Variants in SYT7 observed in about 807,000 individuals in gnomAD.
The protein encoded by SYT7 is synaptotagmin 7.
In SYT7, 29 loss-of-function variants were observed where a neutral mutation model predicts 75.1. The observed-to-expected ratio is 0.39, with a 90% CI of 0.29 to 0.53. The LOEUF (loss-of-function observed/expected upper bound fraction) is 0.53. SYT7 is among the 20% of genes least tolerant of loss of function. SYT7 has a pLI of 0.77. For synonymous variants in SYT7, 376 were observed against 401.7 expected, an observed-to-expected ratio of 0.94 and a Z score of 0.76; for missense variants, 693 against 953.2, an observed-to-expected ratio of 0.73 and a Z score of 3.59.
intron 3 of SYT7, among the ~76,000 whole-genome samples, chr11:61,549,004 T>C (rs1024189086): frequency 3.3e-5 from 5 of 152,104 alleles, no homozygotes; most frequent in Non-Finnish European, 7.4e-5. Context: ...CCTAATCCCT[T>C]GACAGAAAAC....
chr11:61,549,551 C>T (rs1286575658), intron 3 of SYT7, among the ~76,000 whole-genome samples: 1 of 152,238 alleles, frequency 6.6e-6, no homozygotes, highest in East Asian at 1.9e-4. Flanking sequence ...GTTGGGGGTC[C>T]TAAGCCCATG....
chr11:61,548,982 G>A (rs749552571), intron 3 of SYT7, among the ~76,000 whole-genome samples: 10 of 152,210 alleles, frequency 6.6e-5, no homozygotes, highest in Non-Finnish European at 1.3e-4. Context: ...GGCAGGACAG[G>A]CCCCAGGGGA....
At chr11:61,518,888 C>T (rs1292267744) in intron 12 of SYT7, among the ~76,000 whole-genome samples, 157 bp from the exon 13 acceptor site, 3 of 152,232 alleles carry the variant, frequency 2.0e-5, no homozygotes, top group Non-Finnish European at 2.9e-5. Flanking sequence ...GCGCTCTCCT[C>T]CCTCCCCCAG....
chr11:61,517,203 C>T lies in SYT7; in HGVS notation c.*1424G>A, dbSNP rs1590803888. 1 of 398,508 alleles carries T rather than the reference C, an allele frequency of 2.5e-6. No homozygotes were observed. Among genetic ancestry groups the T allele is most frequent in the East Asian group, 3.6e-5 (1 of 28,074 alleles). 24.7% of individuals were successfully genotyped at this position (398,508 alleles called of 1,614,324 possible). A position where few individuals can be genotyped will look rare whatever the true frequency, so the allele number is the denominator to read the frequency against. ...GGTCTTGTATCAATACCAGGACCAG[C>T]GTGGGGATGAGAGGGCTTAAGCAGG... On this transcript the variant is annotated 3_prime_UTR_variant, in exon 13 of 13. Transcript: ENST00000539008.
intron 1 of SYT7, among the ~76,000 whole-genome samples, chr11:61,563,799 A>T (rs1312960755): frequency 6.6e-6 from 1 of 152,292 alleles, no homozygotes; most frequent in East Asian, 1.9e-4. Context: ...AACTATGACA[A>T]TTAACTATTT....
At chr11:61,579,067 CATGGGAGGAAAGAG>C (rs1353640030) in intron 1 of SYT7, among the ~76,000 whole-genome samples, 2 of 152,258 alleles carry the variant, frequency 1.3e-5, no homozygotes, top group East Asian at 3.9e-4. Context: ...GGTGCCCAGG[CATGGGAGGAAAGAG>C]GAGGGAGGGA....
At chr11:61,579,029 G>T (rs909161561) in intron 1 of SYT7, among the ~76,000 whole-genome samples, 1 of 152,230 alleles carries the variant, frequency 6.6e-6, no homozygotes, top group Non-Finnish European at 1.5e-5. Flanking sequence ...GGTGAGGGCA[G>T]AGGTGCTTGG....
At chr11:61,584,494 C>A (rs953184922), upstream of SYT7, among the ~76,000 whole-genome samples, 6 of 152,076 alleles carry the variant, frequency 3.9e-5, no homozygotes, top group Non-Finnish European at 7.4e-5. Flanking sequence ...ATTTGTTTAC[C>A]CTTAACAGAG....
At position 61,538,272 on chromosome 11, in the gene SYT7, C is replaced by A. The variant is rs747950648; in HGVS notation, c.942-6G>T. On this transcript the variant is annotated splice_region_variant and splice_polypyrimidine_tract_variant and intron_variant, in intron 6 of 12. Coordinates refer to ENST00000539008, the MANE Select transcript of SYT7 (RefSeq NM_001365809.2). ...GCACCACCATCCGGCCTTCCCTGCC[C>A]GGGGAGGGCAGCCCACAGGCCAGGG... is the stretch of plus-strand genomic sequence containing the variant. 1 of 1,497,566 alleles carries A rather than the reference C, an allele frequency of 6.7e-7. No individual in the cohort carries two copies. The highest frequency in any genetic ancestry group is 2.0e-5 in the Admixed American group (1 of 49,456). 92.8% of individuals were successfully genotyped at this position (1,497,566 alleles called of 1,614,324 possible).
At position 61,523,252 on chromosome 11, in the gene SYT7, C is replaced by G; in HGVS notation, c.1779G>C (p.Leu593=). The change falls in exon 12 of 13, where the codon CTG becomes CTC. Residue 593 remains leucine (L), a synonymous_variant. Coordinates refer to ENST00000539008, the MANE Select transcript of SYT7 (RefSeq NM_001365809.2). This position sits in a 1 kb window ranked among gnomAD's most constrained non-coding sequence, Gnocchi z 5.0. The stretch of plus-strand genomic sequence containing the variant: ...TCTCCACCCGCTTGTCCTTGTACAT[C>G]AGCCATACCTTCACGTAGGGGTCTA... ...GTSDPYVKVW[L]MYKDKRVEKK... The G allele has an allele frequency of 6.2e-7, 1 of 1,614,164 alleles. No homozygotes were observed. Among genetic ancestry groups the G allele is most frequent in the South Asian group, 1.1e-5 (1 of 91,076 alleles).
At chr11:61,559,007 G>A (rs1372548126) in intron 1 of SYT7, among the ~76,000 whole-genome samples, 1 of 152,106 alleles carries the variant, frequency 6.6e-6, no homozygotes, top group Non-Finnish European at 1.5e-5. Context: ...GCCTCCCAAA[G>A]TGCTAGGATT....
At chr11:61,577,689 G>A (rs548781810) in intron 1 of SYT7, among the ~76,000 whole-genome samples, 1 of 152,328 alleles carries the variant, frequency 6.6e-6, no homozygotes, top group African/African-American at 2.4e-5. Flanking sequence ...CTGCCTAGTG[G>A]AGTGTCTGTA....
chr11:61,532,340 C>T (rs1034489400), intron 8 of SYT7, among the ~76,000 whole-genome samples: 1 of 152,182 alleles, frequency 6.6e-6, no homozygotes, highest in Non-Finnish European at 1.5e-5. Context: ...CTGCTGCCCC[C>T]CTGGGGGCAC....
intron 1 of SYT7, among the ~76,000 whole-genome samples, chr11:61,565,758 C>G (rs951152105): frequency 6.6e-6 from 1 of 152,214 alleles, no homozygotes; most frequent in Non-Finnish European, 1.5e-5. Flanking sequence ...AGGGTGGGAA[C>G]TAGGCTAGCA....
At chr11:61,543,627 C>T (rs188254792) in intron 5 of SYT7, among the ~76,000 whole-genome samples, 1 of 152,224 alleles carries the variant, frequency 6.6e-6, no homozygotes, top group East Asian at 1.9e-4. Context: ...AAATAATCCC[C>T]GAGCTTCCTC....
chr11:61,578,778 C>T (rs190976734), intron 1 of SYT7, among the ~76,000 whole-genome samples: 3 of 152,294 alleles, frequency 2.0e-5, no homozygotes, highest in Admixed American at 6.5e-5. Context: ...AGCCCAATGC[C>T]CACACCGGAG....
At chr11:61,526,594 A>G (rs2062524517) in intron 9 of SYT7, 2 of 152,158 alleles carry the variant, frequency 1.3e-5, no homozygotes, top group Non-Finnish European at 2.9e-5. Flanking sequence ...ATTCTTTTCT[A>G]CATCCCCAGT....
chr11:61,581,626 A>C (rs2064277540), upstream of SYT7, among the ~76,000 whole-genome samples: 1 of 152,262 alleles, frequency 6.6e-6, no homozygotes. Flanking sequence ...TGGGTCCGCC[A>C]GTCCGGTCTT....
At position 61,517,118 on chromosome 11, in the gene SYT7, T is replaced by C. The variant is rs1018602282; in HGVS notation, c.*1509A>G. 7.6e-6 allele frequency: 3 copies of C among 396,496 alleles called. No homozygotes were observed. The highest frequency in any genetic ancestry group is 1.3e-5 in the Non-Finnish European group (3 of 225,286). 24.6% of individuals were successfully genotyped at this position (396,496 alleles called of 1,614,324 possible). ...GGGCCTGGCGCCACCTGGCGGTAGTTCTGGGAATGTCAGGCCCAGGCTCGT... is the reference window on the plus strand; with the variant it reads ...GGGCCTGGCGCCACCTGGCGGTAGTCCTGGGAATGTCAGGCCCAGGCTCGT... On this transcript the variant is annotated 3_prime_UTR_variant, in exon 13 of 13. Transcript: ENST00000539008.
Sources: gnomAD v4.1 joint callset for allele counts (sites outside exome capture counted in the v4.1 genomes callset) on GRCh38, gnomAD v4.1.1 for gene constraint, Gnocchi (gnomAD v3.1) non-coding constraint, MANE v1.5 for transcripts, NCBI Gene and HGNC (gene_info 2026-07-23, HGNC 2026-07-21) for gene names.